Variants in MCM9 observed in about 807,000 individuals in gnomAD.
The protein encoded by MCM9 is minichromosome maintenance 9 homologous recombination repair factor, also known as DNA helicase MCM9.
A neutral mutation model predicts 72.8 loss-of-function variants in MCM9; 55 were observed. That is an observed-to-expected ratio of 0.76 (90% CI 0.61 to 0.95). MCM9 has a LOEUF of 0.95. Ranked by LOEUF, MCM9 falls within the 40% of genes least tolerant of loss-of-function variation. The probability of loss-of-function intolerance (pLI) is 0.00; values close to 1 mark genes in which losing one functional copy is unlikely to be tolerated. For missense variants in MCM9, 1,279 were observed against 1,377.0 expected, an observed-to-expected ratio of 0.93 and a Z score of 1.13; for synonymous variants, 480 against 503.4, an observed-to-expected ratio of 0.95 and a Z score of 0.62.
chr6:118,829,208 T>G lies in MCM9; in HGVS notation c.1368A>C (p.Ala456=), dbSNP rs1344899349. 6.4e-7 allele frequency: 1 copy of G among 1,550,714 alleles called. No homozygotes were observed. Among genetic ancestry groups the G allele is most frequent in the Admixed American group, 2.0e-5 (1 of 50,984 alleles). Residue 456 remains alanine (A), a synonymous_variant, in exon 10 of 14, where the codon GCA becomes GCC. Coordinates refer to ENST00000619706, the MANE Select transcript of MCM9 (RefSeq NM_017696.3). The part of the protein sequence containing the change: ...KLNTRTTILA[A]TNPKGQYDPQ... ...GGTCGTACTGGCCTTTGGGGTTCGTTGCTGCCAGGATGGTGGTCCTTGTGT... is the reference window on the plus strand; with the variant it reads ...GGTCGTACTGGCCTTTGGGGTTCGTGGCTGCCAGGATGGTGGTCCTTGTGT...
At chr6:118,854,632 CGTGAGCCATT>C (rs1191103526) in intron 9 of MCM9, among the ~76,000 whole-genome samples, 3 of 152,234 alleles carry the variant, frequency 2.0e-5, no homozygotes, top group Admixed American at 6.5e-5. Flanking sequence ...GGATTACAGG[CGTGAGCCATT>C]GTGCCCAGCC....
chr6:118,816,513 A>C (rs1296423081), intron 13 of MCM9, among the ~76,000 whole-genome samples: 1 of 152,194 alleles, frequency 6.6e-6, no homozygotes, highest in Non-Finnish European at 1.5e-5. Context: ...TTTAACCTAA[A>C]ATTGTAGTAA....
intron 8 of MCM9, among the ~76,000 whole-genome samples, chr6:118,883,069 CAAAAAAAAAA>C (rs36162403): frequency 0.013 from 614 of 46,182 alleles, 15 homozygotes; most frequent in East Asian, 0.12. Context: ...CTCAAAGATG[CAAAAAAAAAA>C]AAAAAAAAAG....
rs187003820 is a variant in MCM9 at position 118,859,864 on chromosome 6, C to A, written c.1151-3319G>T. ...AAGAAGGGCAATATCCACCTCCAAC[C>A]CCTTCCAGTCATCTGGTACCACCCA... On this transcript the variant is annotated intron_variant, in intron 8 of 13. Coordinates refer to ENST00000619706, the MANE Select transcript of MCM9 (RefSeq NM_017696.3). Among the ~76,000 whole-genome samples, 156 of 152,306 alleles carry A rather than the reference C, an allele frequency of 1.0e-3. 1 individual carries two copies. Among genetic ancestry groups the A allele is most frequent in the African/African-American group, 3.6e-3 (150 of 41,568 alleles).
chr6:118,826,705 T>A (rs1205224990), intron 12 of MCM9, 77 bp downstream of exon 12: 1 of 1,020,850 alleles, frequency 9.8e-7, no homozygotes, highest in East Asian at 2.6e-5. Flanking sequence ...ACTTTTGATA[T>A]GTTAATAAAG....
At chr6:118,826,401 T>A in intron 12 of MCM9, 109 bp from the exon 13 acceptor site, 1 of 1,103,166 alleles carries the variant, frequency 9.1e-7, no homozygotes, top group Non-Finnish European at 1.2e-6. Flanking sequence ...TTTACACCCC[T>A]ATACTGGGTA....
At chr6:118,877,042 C>T (rs752097783) in intron 8 of MCM9, among the ~76,000 whole-genome samples, 10 of 152,094 alleles carry the variant, frequency 6.6e-5, no homozygotes, top group South Asian at 6.2e-4. Context: ...TCTTGGAATG[C>T]TAGATTTTAG....
At chr6:118,894,223 A>G in intron 8 of MCM9, 2 of 1,414,406 alleles carry the variant, frequency 1.4e-6, no homozygotes, top group Non-Finnish European at 1.8e-6. Flanking sequence ...GTTTAGTGAA[A>G]TAGGAAAGCT....
At chr6:118,842,978 C>T (rs1775489047) in intron 9 of MCM9, among the ~76,000 whole-genome samples, 2 of 152,126 alleles carry the variant, frequency 1.3e-5, no homozygotes, top group Non-Finnish European at 2.9e-5. Flanking sequence ...AATTATTGGT[C>T]TTCACAAGCA....
intron 9 of MCM9, among the ~76,000 whole-genome samples, chr6:118,852,394 C>CT (rs1776288826): frequency 6.6e-6 from 1 of 151,864 alleles, no homozygotes; most frequent in South Asian, 2.1e-4. Context: ...ATGTCTTCTC[C>CT]TTTCCAACAG....
chr6:118,910,908 C>T, intron 8 of MCM9: 1 of 985,276 alleles, frequency 1.0e-6, no homozygotes, highest in Non-Finnish European at 1.2e-6. Context: ...CATTCATTAG[C>T]CCAATGGAAG....
intron 9 of MCM9, among the ~76,000 whole-genome samples, chr6:118,834,355 T>C (rs1450724745): frequency 6.6e-6 from 1 of 152,320 alleles, no homozygotes; most frequent in South Asian, 2.1e-4. Context: ...GAATGATTCA[T>C]AATCCTTTGG....
chr6:118,844,130 T>C (rs1235298493), intron 9 of MCM9, among the ~76,000 whole-genome samples: 2 of 151,836 alleles, frequency 1.3e-5, no homozygotes, highest in African/African-American at 4.9e-5. Flanking sequence ...AACCCTCTTA[T>C]CTGCTATTAA....
At chr6:118,893,820 G>A (rs1207941307) in intron 8 of MCM9, among the ~76,000 whole-genome samples, 4 of 147,142 alleles carry the variant, frequency 2.7e-5, no homozygotes, top group Non-Finnish European at 6.0e-5. Context: ...TGTAAAAAGA[G>A]CGTTAAATCA....
At chr6:118,926,240 T>C (rs1399623666) in intron 3 of MCM9, among the ~76,000 whole-genome samples, 1 of 152,214 alleles carries the variant, frequency 6.6e-6, no homozygotes, top group Non-Finnish European at 1.5e-5. Flanking sequence ...TGTTGTAAGT[T>C]GAAAGTGCAT....
At chr6:118,838,967 T>G (rs1324862983) in intron 9 of MCM9, among the ~76,000 whole-genome samples, 1 of 152,216 alleles carries the variant, frequency 6.6e-6, no homozygotes, top group African/African-American at 2.4e-5. Flanking sequence ...TGAATTTGAA[T>G]GTTGGCCTGT....
intron 9 of MCM9, among the ~76,000 whole-genome samples, chr6:118,845,563 T>C (rs1251869377): frequency 6.6e-6 from 1 of 151,876 alleles, no homozygotes; most frequent in Non-Finnish European, 1.5e-5. Context: ...TTTTTTCAAT[T>C]CCACTGGAGA....
chr6:118,831,452 C>T (rs1020285638), intron 9 of MCM9, among the ~76,000 whole-genome samples: 11 of 150,456 alleles, frequency 7.3e-5, no homozygotes, highest in African/African-American at 1.2e-4. Context: ...AAGGAAAATA[C>T]GGGAGTGGGC....
rs1025215247 is a variant in MCM9, at chr6:118,815,356, G to A, written c.2900C>T (p.Pro967Leu). The A allele has an allele frequency of 3.5e-5, 54 of 1,550,020 alleles. No homozygotes were observed. Among genetic ancestry groups the A allele is most frequent in the Admixed American group, 1.4e-4 (7 of 50,948 alleles). Residue 967 changes from proline to leucine, a missense_variant, in exon 14 of 14, where the codon CCG becomes CTG. Coordinates refer to ENST00000619706, the MANE Select transcript of MCM9 (RefSeq NM_017696.3). ...TGTTAACTTTCCTGGACGCTTCACC[G>A]GCAAGGCTGCGTCTCTTCTTGTTCT... The part of the protein sequence containing the change: ...QRRTRRDAAL[P>L]VKRPGKLTST...
Sources: gnomAD v4.1 joint callset for allele counts (sites outside exome capture counted in the v4.1 genomes callset) on GRCh38, gnomAD v4.1.1 for gene constraint, MANE v1.5 for transcripts, NCBI Gene and HGNC (gene_info 2026-07-23, HGNC 2026-07-21) for gene names.